Variants in FTO observed in about 807,000 individuals in gnomAD.
The protein encoded by FTO is alpha-ketoglutarate-dependent dioxygenase FTO.
Under a neutral mutation model 63.9 loss-of-function variants are expected in FTO, and 47 were observed. The observed-to-expected ratio is 0.74, with a 90% confidence interval of 0.58 to 0.94. The LOEUF is 0.94. Among genes scored for constraint, FTO ranks in the 40% least tolerant of loss-of-function variants. The probability of loss-of-function intolerance (pLI) is 0.00; values close to 1 mark genes in which losing one functional copy is unlikely to be tolerated. For missense variants in FTO, 562 were observed against 618.1 expected, an observed-to-expected ratio of 0.91 and a Z score of 0.96; for synonymous variants, 207 against 224.4, an observed-to-expected ratio of 0.92 and a Z score of 0.69.
chr16:53,742,784 A>G (rs1482816595), intron 1 of FTO, among the ~76,000 whole-genome samples: 1 of 152,232 alleles, frequency 6.6e-6, no homozygotes, highest in African/African-American at 2.4e-5. Context: ...ATAGATAAAG[A>G]AAAGAAAGCC....
chr16:54,046,297 G>C (rs2085170706), intron 8 of FTO, among the ~76,000 whole-genome samples: 1 of 75,244 alleles, frequency 1.3e-5, no homozygotes, highest in Non-Finnish European at 2.1e-5. Flanking sequence ...AAAATCACAA[G>C]CATTCTTATA....
At chr16:53,966,676 A>C (rs7199210) in intron 8 of FTO, among the ~76,000 whole-genome samples, 10,497 of 152,244 alleles carry the variant, frequency 0.069, 1,059 homozygotes, top group African/African-American at 0.22. Context: ...AGCTAATTCT[A>C]TTTAGAGGTG....
chr16:54,011,343 C>T (rs2084329645), intron 8 of FTO, among the ~76,000 whole-genome samples: 1 of 152,110 alleles, frequency 6.6e-6, no homozygotes, highest in South Asian at 2.1e-4. Context: ...ATATATCAAC[C>T]CACTTTCAAT....
intron 8 of FTO, among the ~76,000 whole-genome samples, chr16:54,107,737 T>G (rs774945781): frequency 6.6e-5 from 10 of 152,178 alleles, no homozygotes; most frequent in Non-Finnish European, 1.5e-4. Flanking sequence ...CTCATGAAAC[T>G]GAAACATCTA....
intron 8 of FTO, among the ~76,000 whole-genome samples, chr16:54,093,825 G>C (rs1645696735): frequency 1.3e-5 from 2 of 152,288 alleles, no homozygotes; most frequent in South Asian, 4.1e-4. Flanking sequence ...CCAGGCACGT[G>C]GCAAGGACAT....
At chr16:53,928,212 G>A (rs1008142729) in intron 7 of FTO, among the ~76,000 whole-genome samples, 1 of 152,006 alleles carries the variant, frequency 6.6e-6, no homozygotes, top group African/African-American at 2.4e-5. Context: ...TTGAAAAAAA[G>A]TACTAATAAA....
intron 8 of FTO, among the ~76,000 whole-genome samples, chr16:53,988,894 AC>A (rs1388910577): frequency 6.6e-6 from 1 of 152,102 alleles, no homozygotes; most frequent in Non-Finnish European, 1.5e-5. Flanking sequence ...AACGTCTTTG[AC>A]CTAGAAAGAA....
intron 3 of FTO, among the ~76,000 whole-genome samples, chr16:53,831,933 A>G (rs1220646244): frequency 6.6e-6 from 1 of 152,186 alleles, no homozygotes; most frequent in East Asian, 1.9e-4. Context: ...TTAGAATACA[A>G]AGTAGTAGGT....
chr16:53,800,092 G>T (rs1042623948), intron 1 of FTO, among the ~76,000 whole-genome samples: 1 of 151,820 alleles, frequency 6.6e-6, no homozygotes, highest in African/African-American at 2.4e-5. Flanking sequence ...GGAAGCTAAG[G>T]TAATTGATTT....
chr16:53,724,674 A>T (rs1223799926), intron 1 of FTO, among the ~76,000 whole-genome samples: 1 of 152,146 alleles, frequency 6.6e-6, no homozygotes, highest in Non-Finnish European at 1.5e-5. Context: ...TATTCCCCCC[A>T]GTAAGATATT....
chr16:53,782,277 G>C (rs193231717), intron 1 of FTO, among the ~76,000 whole-genome samples: 1 of 152,116 alleles, frequency 6.6e-6, no homozygotes, highest in African/African-American at 2.4e-5. Context: ...CTTTAAACTC[G>C]GTATTTGATT....
Position 54,116,845 on chromosome 16 carries a change from C to T in FTO, c.*4930C>T, listed in dbSNP as rs1298167365. 6.6e-6 allele frequency: 1 copy of T among 152,292 alleles called. No individual in the cohort carries two copies. The highest frequency in any genetic ancestry group is 1.5e-5 in the Non-Finnish European group (1 of 68,180). The allele number at this position is 152,292 out of a possible 1,614,324, so 9.4% of individuals were successfully genotyped here. ...TAACAAGGAGAACCACAAGTGCCCC[C>T]CAGATCCCGGCTAGAAGGACCAGAC... On this transcript the variant is annotated 3_prime_UTR_variant, in exon 9 of 9. Transcript: ENST00000471389.
intron 8 of FTO, among the ~76,000 whole-genome samples, chr16:54,025,974 C>G (rs1323351122): frequency 6.6e-6 from 1 of 152,082 alleles, no homozygotes; most frequent in Non-Finnish European, 1.5e-5. Context: ...GATCACGCCA[C>G]TGCACTCAAC....
chr16:53,804,630 A>ATG (rs1384040758), intron 1 of FTO, among the ~76,000 whole-genome samples: 1 of 102,322 alleles, frequency 9.8e-6, no homozygotes. Context: ...CTTCTTATTG[A>ATG]TCTTTTTTTT....
rs1316983965 is a variant in FTO at position 53,704,368 on chromosome 16, G to C, written c.45+139G>C. The C allele has an allele frequency of 1.9e-5, 16 of 823,280 alleles. No individual in the cohort carries two copies. The East Asian group carries it at 4.2e-4, about 22-fold the overall frequency. The allele number at this position is 823,280 out of a possible 1,614,324, so 51.0% of individuals were successfully genotyped here. A position where few individuals can be genotyped will look rare whatever the true frequency, so the allele number is the denominator to read the frequency against. On this transcript the variant is annotated intron_variant, in intron 1 of 8. Transcript: ENST00000471389. ...CAGGGCCTTGTCAGCAAGGGACCTG[G>C]AGATATTAGAGGGGATGTTACAAAT...
intron 8 of FTO, 75 bp downstream of exon 8, chr16:53,934,184 G>C: frequency 6.6e-7 from 1 of 1,515,918 alleles, no homozygotes; most frequent in African/African-American, 1.4e-5. Flanking sequence ...CTTCCTTATG[G>C]CTGGCCTCAT....
intron 8 of FTO, among the ~76,000 whole-genome samples, chr16:54,030,077 C>T (rs62034080): frequency 0.031 from 4,691 of 152,286 alleles, 124 homozygotes; most frequent in Middle Eastern, 0.12. Flanking sequence ...TCTCCCAGTT[C>T]TCAAGTGAGA....
chr16:53,863,211 C>T (rs1050148604), intron 4 of FTO, among the ~76,000 whole-genome samples: 5 of 152,114 alleles, frequency 3.3e-5, no homozygotes, highest in Non-Finnish European at 7.4e-5. Flanking sequence ...CATGTCAGTT[C>T]GAGTAAACTT....
chr16:53,812,105 G>A (rs1191800387), intron 2 of FTO, among the ~76,000 whole-genome samples: 1 of 151,990 alleles, frequency 6.6e-6, no homozygotes, highest in Non-Finnish European at 1.5e-5. Context: ...GACCCACCAT[G>A]CCCAGCCTGT....
Sources: gnomAD v4.1 joint callset for allele counts (sites outside exome capture counted in the v4.1 genomes callset) on GRCh38, gnomAD v4.1.1 for gene constraint, MANE v1.5 for transcripts, NCBI Gene and HGNC (gene_info 2026-07-23, HGNC 2026-07-21) for gene names.